The following DAB1 variants were observed in gnomAD, a reference collection of about 807,000 sequenced individuals.
DAB1 encodes disabled homolog 1.
A neutral mutation model predicts 64.6 loss-of-function variants in DAB1; 15 were observed. The ratio of observed to expected loss-of-function variants is 0.23; its 90% CI spans 0.16 to 0.36. The LOEUF (loss-of-function observed/expected upper bound fraction) is 0.36. Among genes scored for constraint, DAB1 ranks in the 10% least tolerant of loss-of-function variants. The pLI, the probability that DAB1 is intolerant of heterozygous loss-of-function variation, is 1.00. For missense variants in DAB1, 596 were observed against 706.7 expected (o/e 0.84, Z 1.78); for synonymous variants, 235 against 251.9 (o/e 0.93, Z 0.64).
intron 1 of DAB1, among the ~76,000 whole-genome samples, chr1:58,541,293 CAAAAAAAAAAAAAAAAAAAAAAA>C (rs71043292): frequency 1.8e-4 from 5 of 27,562 alleles, no homozygotes; most frequent in African/African-American, 2.2e-4. Context: ...GACTCTGTCT[CAAAAAAAAAAAAAAAAAAAAAAA>C]AAAAAAAAAA....
chr1:58,147,153 A>G (rs1654642423), intron 5 of DAB1, among the ~76,000 whole-genome samples: 1 of 152,058 alleles, frequency 6.6e-6, no homozygotes, highest in African/African-American at 2.4e-5. Flanking sequence ...CTAAAAATAC[A>G]AAAATTAGCC....
Position 58,127,281 on chromosome 1 carries a change from T to C in DAB1, n.387+23230A>G, listed in dbSNP as rs560476714. 9.2e-3 allele frequency among the ~76,000 whole-genome samples: 1,395 copies of C among 152,264 alleles called. 10 individuals are homozygous for C. The highest frequency in any genetic ancestry group is 0.013 in the Non-Finnish European group (878 of 68,016). ...TCTTTTGAGAAGTGTCTGTTCATGT[T>C]CCTCGCCCACTTTTTGATGGGGTTG... On this transcript the variant is annotated intron_variant and non_coding_transcript_variant, in intron 5 of 20. Coordinates refer to the DAB1 transcript ENST00000485760.
chr1:58,005,571 G>C (rs1646569439), intron 5 of DAB1, among the ~76,000 whole-genome samples: 1 of 150,366 alleles, frequency 6.7e-6, no homozygotes, highest in South Asian at 2.1e-4. Context: ...CAGACAGCTG[G>C]CTGTGGCCAG....
At chr1:58,219,542 C>T (rs1396928374) in intron 4 of DAB1, among the ~76,000 whole-genome samples, 1 of 152,222 alleles carries the variant, frequency 6.6e-6, no homozygotes, top group African/African-American at 2.4e-5. Flanking sequence ...TTTCCAGTTC[C>T]TCTAAAGCAT....
intron 5 of DAB1, among the ~76,000 whole-genome samples, chr1:57,918,615 G>C (rs766034961): frequency 3.3e-5 from 5 of 152,190 alleles, no homozygotes; most frequent in African/African-American, 9.6e-5. Flanking sequence ...ACAAAGTCAG[G>C]AGATACAGAC....
intron 3 of DAB1, among the ~76,000 whole-genome samples, chr1:58,428,203 T>C (rs1644838885): frequency 6.6e-6 from 1 of 152,212 alleles, no homozygotes; most frequent in Non-Finnish European, 1.5e-5. Flanking sequence ...TAGGCAGTAA[T>C]CATCAATGGC....
At chr1:58,251,440 T>A (rs2100405645) in intron 4 of DAB1, among the ~76,000 whole-genome samples, 1 of 152,260 alleles carries the variant, frequency 6.6e-6, no homozygotes, top group Middle Eastern at 3.4e-3. Flanking sequence ...GATGGCGACA[T>A]GTGATAGAAA....
intron 2 of DAB1, among the ~76,000 whole-genome samples, chr1:57,173,571 A>G (rs1662003373): frequency 6.6e-6 from 1 of 152,212 alleles, no homozygotes; most frequent in Non-Finnish European, 1.5e-5. Flanking sequence ...GCTAGTCCCA[A>G]GTATTTTAGA....
intron 7 of DAB1, among the ~76,000 whole-genome samples, chr1:57,567,528 C>A (rs1645138224): frequency 6.6e-6 from 1 of 152,168 alleles, no homozygotes. Context: ...TTAGAAAACC[C>A]CATCGTCTCA....
intron 7 of DAB1, among the ~76,000 whole-genome samples, chr1:57,069,897 A>C (rs980818034): frequency 1.3e-5 from 2 of 152,096 alleles, no homozygotes; most frequent in Admixed American, 1.3e-4. Flanking sequence ...CATAAATATC[A>C]CCTTATTTTG....
At chr1:57,453,387 A>C (rs1484648556) in intron 7 of DAB1, among the ~76,000 whole-genome samples, 1 of 152,178 alleles carries the variant, frequency 6.6e-6, no homozygotes, top group Non-Finnish European at 1.5e-5. Flanking sequence ...TAAGCCATTT[A>C]AAAAATGTAT....
chr1:57,315,328 C>T lies in DAB1; in HGVS notation c.-136-24162G>A, dbSNP rs184080982. On this transcript the variant is annotated intron_variant, in intron 1 of 14. Transcript: ENST00000371236. Reference sequence around the variant, plus strand: ...GTTTGCTCATTGTCTATCTTAACCTCTTGAGAGCACCAGTTTACCTGAGTT... The same window carrying T: ...GTTTGCTCATTGTCTATCTTAACCTTTTGAGAGCACCAGTTTACCTGAGTT... Among the ~76,000 whole-genome samples, 133 of 152,264 alleles carry T rather than the reference C, an allele frequency of 8.7e-4. 1 individual carries two copies. Among genetic ancestry groups the T allele is most frequent in the African/African-American group, 3.1e-3 (127 of 41,546 alleles).
rs760870424 is a variant in DAB1, at chr1:58,534,132, C to T, written n.33-6797G>A. 2.3e-5 allele frequency: 20 copies of T among 867,792 alleles called. No individual in the cohort carries two copies. The Admixed American group carries it at 3.3e-4, about 14-fold the overall frequency. 53.8% of individuals were successfully genotyped at this position (867,792 alleles called of 1,614,324 possible). A position where few individuals can be genotyped will look rare whatever the true frequency, so the allele number is the denominator to read the frequency against. ...ATAAGGACAATAAATTTAACAATTA[C>T]AATGCGTTTGAGAACATTTACTTAC... On this transcript the variant is annotated intron_variant and non_coding_transcript_variant, in intron 1 of 20. Transcript: ENST00000485760.
chr1:57,604,342 T>C (rs1645609853), intron 7 of DAB1, among the ~76,000 whole-genome samples: 1 of 152,094 alleles, frequency 6.6e-6, no homozygotes, highest in South Asian at 2.1e-4. Flanking sequence ...GAAGGTGCTG[T>C]ATCACCTTTA....
intron 2 of DAB1, among the ~76,000 whole-genome samples, chr1:57,174,357 T>C (rs530320701): frequency 4.6e-5 from 7 of 152,270 alleles, no homozygotes; most frequent in African/African-American, 1.2e-4. Context: ...TAAATTTAAA[T>C]GCATTTTCAG....
chr1:57,681,253 A>G (rs1369571540), intron 6 of DAB1, among the ~76,000 whole-genome samples: 1 of 152,140 alleles, frequency 6.6e-6, no homozygotes, highest in Non-Finnish European at 1.5e-5. Context: ...TCCCCTTTGC[A>G]TCTCTTGGTC....
At chr1:57,755,782 C>A (rs1430006047) in intron 6 of DAB1, among the ~76,000 whole-genome samples, 1 of 152,160 alleles carries the variant, frequency 6.6e-6, no homozygotes, top group Non-Finnish European at 1.5e-5. Flanking sequence ...CACTGTGTGT[C>A]TTCCATCATC....
chr1:57,441,180 T>A (rs1287547353), intron 7 of DAB1, among the ~76,000 whole-genome samples: 1 of 152,258 alleles, frequency 6.6e-6, no homozygotes, highest in Non-Finnish European at 1.5e-5. Flanking sequence ...GATGCATCCA[T>A]GTGACTGCAA....
At chr1:58,527,234 T>C in intron 2 of DAB1, 2 of 869,432 alleles carry the variant, frequency 2.3e-6, no homozygotes, top group South Asian at 1.3e-5. Context: ...AAGGGCATTA[T>C]GTATTCTCAA....
Sources: gnomAD v4.1 joint callset for allele counts (sites outside exome capture counted in the v4.1 genomes callset) on GRCh38, gnomAD v4.1.1 for gene constraint, MANE v1.5 for transcripts, NCBI Gene and HGNC (gene_info 2026-07-23, HGNC 2026-07-21) for gene names.